Variants in TACC2 observed in about 807,000 individuals in gnomAD.
TACC2 encodes transforming acidic coiled-coil containing protein 2.
In TACC2, 137 loss-of-function variants were observed where a neutral mutation model predicts 227.3. The observed-to-expected ratio is 0.60, with a 90% CI of 0.52 to 0.69. TACC2 has a LOEUF of 0.69. Among genes scored for constraint, TACC2 ranks in the 30% least tolerant of loss-of-function variants. The pLI, the probability that TACC2 is intolerant of heterozygous loss-of-function variation, is 0.00. For missense variants in TACC2, 3,470 were observed against 3,694.4 expected (o/e 0.94, Z 1.57); for synonymous variants, 1,523 against 1,487.5 (o/e 1.02, Z -0.55).
At position 122,021,967 on chromosome 10, in the gene TACC2, G is replaced by C. The variant is rs1368679552; in HGVS notation, c.-15G>C. 1 of 1,613,988 alleles carries C rather than the reference G, an allele frequency of 6.2e-7. No individual in the cohort carries two copies. Among genetic ancestry groups the C allele is most frequent in the East Asian group, 2.2e-5 (1 of 44,874 alleles). ...TCTGACAAAATTCTGGGGACGCTGG[G>C]AACACTGAATCAACATGGGCAATGA... On this transcript the variant is annotated 5_prime_UTR_variant, in exon 2 of 23. Transcript: ENST00000369005.
intron 19 of TACC2, chr10:122,248,392 G>A: frequency 1.9e-6 from 1 of 527,434 alleles, no homozygotes; most frequent in East Asian, 3.3e-5. Flanking sequence ...TCAGGTTAAG[G>A]AATAGTAATG....
intron 2 of TACC2, among the ~76,000 whole-genome samples, chr10:122,042,592 C>G (rs2074439768): frequency 6.6e-6 from 1 of 152,196 alleles, no homozygotes; most frequent in African/African-American, 2.4e-5. Context: ...GCCAATGGGG[C>G]TCTTCATTAA....
intron 19 of TACC2, among the ~76,000 whole-genome samples, chr10:122,242,404 T>C (rs962811284): frequency 3.1e-4 from 47 of 152,156 alleles, no homozygotes; most frequent in African/African-American, 1.1e-3. Flanking sequence ...CACCTCAGCC[T>C]TTCCACAAGG....
At chr10:122,206,367 C>G (rs1464289713) in intron 8 of TACC2, among the ~76,000 whole-genome samples, 1 of 152,144 alleles carries the variant, frequency 6.6e-6, no homozygotes, top group African/African-American at 2.4e-5. Context: ...TGCTGAAGCC[C>G]CAACCCCCAA....
intron 8 of TACC2, among the ~76,000 whole-genome samples, chr10:122,208,037 T>C (rs2095181813): frequency 6.6e-6 from 1 of 152,088 alleles, no homozygotes; most frequent in Non-Finnish European, 1.5e-5. Flanking sequence ...GATGGGGTAC[T>C]TGAGAGTACT....
intron 1 of TACC2, among the ~76,000 whole-genome samples, chr10:122,015,074 G>GT (rs375167059): frequency 0.82 from 124,839 of 151,478 alleles, 51,464 homozygotes; most frequent in Admixed American, 0.87. Context: ...AACCACTTAT[G>GT]GTACTTACAG....
At chr10:122,238,063 C>G (rs554902315) in intron 18 of TACC2, 26 bp downstream of exon 18, 1 of 1,590,522 alleles carries the variant, frequency 6.3e-7, no homozygotes. Context: ...GGGCCTTCCT[C>G]GTGCCTGAGG....
At chr10:122,064,191 A>G (rs2077150300) in intron 3 of TACC2, among the ~76,000 whole-genome samples, 1 of 152,034 alleles carries the variant, frequency 6.6e-6, no homozygotes, top group Admixed American at 6.6e-5. Flanking sequence ...GTGTGTGTGT[A>G]TATAATTTTT....
intron 2 of TACC2, among the ~76,000 whole-genome samples, chr10:122,034,210 T>A (rs201647800): frequency 2.2e-4 from 1 of 4,620 alleles, no homozygotes; most frequent in Non-Finnish European, 3.9e-4. Flanking sequence ...GTTAGGTGGG[T>A]GGTGCACTTG....
Position 122,143,599 on chromosome 10 carries a change from T to G in TACC2, c.5727T>G (p.Gly1909=). ...TCTCCCCAGCTGCTGCCCATGCGGG[T>G]CTTCCTCCCTCGGCTGCAGAACACA... ...QSISPAAAHA[G]LPPSAAEHIV... Residue 1909 remains glycine, a synonymous_variant, in exon 7 of 23, where the codon GGT becomes GGG. Transcript: ENST00000369005. 6.2e-7 allele frequency: 1 copy of G among 1,613,978 alleles called. No individual in the cohort carries two copies. Among genetic ancestry groups the G allele is most frequent in the Non-Finnish European group, 8.5e-7 (1 of 1,179,922 alleles).
intron 2 of TACC2, among the ~76,000 whole-genome samples, chr10:122,042,260 TGA>T (rs1268831005): frequency 2.6e-5 from 4 of 151,928 alleles, no homozygotes; most frequent in African/African-American, 9.7e-5. Context: ...TTCTTCTTTT[TGA>T]GAGAGAGTCT....
intron 3 of TACC2, chr10:122,052,422 T>TGG (rs2075795387): frequency 2.0e-5 from 3 of 151,882 alleles, no homozygotes; most frequent in African/African-American, 7.3e-5. Flanking sequence ...ATAAAAGAGG[T>TGG]GCCCGTAATC....
intron 1 of TACC2, among the ~76,000 whole-genome samples, chr10:122,007,211 G>A (rs10159670): frequency 0.47 from 71,311 of 151,892 alleles, 19,112 homozygotes; most frequent in East Asian, 0.72. Flanking sequence ...ATTTACATCT[G>A]TTATCCCTTG....
At chr10:122,030,275 C>T (rs1005059332) in intron 2 of TACC2, among the ~76,000 whole-genome samples, 9 of 152,120 alleles carry the variant, frequency 5.9e-5, no homozygotes, top group African/African-American at 1.9e-4. Context: ...ATTACTTTCA[C>T]GAAATCCCAC....
chr10:122,120,141 G>A (rs915767428), intron 5 of TACC2, among the ~76,000 whole-genome samples: 8 of 152,218 alleles, frequency 5.3e-5, no homozygotes, highest in Middle Eastern at 3.4e-3. Flanking sequence ...CAACTCGCCC[G>A]TCCTCACAGT....
At chr10:122,041,779 C>G (rs1268567022) in intron 2 of TACC2, among the ~76,000 whole-genome samples, 2 of 152,208 alleles carry the variant, frequency 1.3e-5, no homozygotes, top group Non-Finnish European at 2.9e-5. Context: ...TGTCACCTGT[C>G]TGCTCCCACA....
chr10:122,045,085 G>T (rs1359663605), intron 2 of TACC2, among the ~76,000 whole-genome samples: 1 of 152,144 alleles, frequency 6.6e-6, no homozygotes, highest in South Asian at 2.1e-4. Flanking sequence ...TGTGGCAAAA[G>T]CGAGAGTTCC....
intron 3 of TACC2, among the ~76,000 whole-genome samples, chr10:122,062,612 C>T (rs1192475249): frequency 6.6e-6 from 1 of 152,132 alleles, no homozygotes; most frequent in African/African-American, 2.4e-5. Context: ...CTGTGCCAGG[C>T]CCAGAGCTTC....
intron 7 of TACC2, among the ~76,000 whole-genome samples, chr10:122,154,196 A>C (rs992071617): frequency 1.3e-5 from 2 of 152,192 alleles, no homozygotes; most frequent in East Asian, 3.9e-4. Flanking sequence ...GCTCATAGTT[A>C]TTGAGGGCTT....
Sources: gnomAD v4.1 joint callset for allele counts (sites outside exome capture counted in the v4.1 genomes callset) on GRCh38, gnomAD v4.1.1 for gene constraint, MANE v1.5 for transcripts, NCBI Gene and HGNC (gene_info 2026-07-23, HGNC 2026-07-21) for gene names.